HDHD2: variants seen among roughly 807,000 people sequenced by gnomAD.
The protein encoded by HDHD2 is haloacid dehalogenase like hydrolase domain containing 2.
Under a neutral mutation model 24.8 loss-of-function variants are expected in HDHD2, and 26 were observed. The ratio of observed to expected loss-of-function variants is 1.05; its 90% CI spans 0.77 to 1.45. HDHD2 has a LOEUF of 1.45. HDHD2 is among the 40% of genes most tolerant of loss of function. The pLI is 0.00. For synonymous variants in HDHD2, 128 were observed against 114.9 expected (o/e 1.11, Z -0.73); for missense variants, 299 against 313.4 (o/e 0.95, Z 0.35).
intron 4 of HDHD2, among the ~76,000 whole-genome samples, chr18:47,116,677 G>A (rs2063560275): frequency 6.6e-6 from 1 of 152,096 alleles, no homozygotes; most frequent in Admixed American, 6.6e-5. Context: ...TGGCTTTAAA[G>A]ACCTAGAGCT....
chr18:47,131,617 G>A (rs923351340), intron 3 of HDHD2, among the ~76,000 whole-genome samples: 3 of 152,184 alleles, frequency 2.0e-5, no homozygotes, highest in African/African-American at 7.2e-5. Flanking sequence ...GTTCGTAACT[G>A]TATTTCCTAT....
intron 6 of HDHD2, chr18:47,110,887 A>T (rs2063510491): frequency 1.0e-6 from 1 of 983,904 alleles, no homozygotes; most frequent in Non-Finnish European, 1.2e-6. Flanking sequence ...ATAATTGATC[A>T]AATTATATTG....
intron 4 of HDHD2, among the ~76,000 whole-genome samples, chr18:47,123,595 C>T (rs1043540139): frequency 6.6e-6 from 1 of 151,728 alleles, no homozygotes; most frequent in African/African-American, 2.4e-5. Context: ...CTCAGAAAAA[C>T]AAAAACAAAA....
At chr18:47,147,754 A>G (rs549291122) in intron 1 of HDHD2, among the ~76,000 whole-genome samples, 13 of 152,306 alleles carry the variant, frequency 8.5e-5, no homozygotes, top group African/African-American at 2.4e-4. Context: ...AATGTTACCA[A>G]AACATTTTAA....
intron 3 of HDHD2, 24 bp downstream of exon 3, chr18:47,134,472 T>A (rs751232377): frequency 1.3e-6 from 2 of 1,550,478 alleles, no homozygotes; most frequent in East Asian, 4.5e-5. Flanking sequence ...TATCCAATCT[T>A]TAAATTTTCC....
intron 6 of HDHD2, 66 bp from the exon 7 acceptor site, chr18:47,108,851 G>T: frequency 1.1e-6 from 1 of 898,034 alleles, no homozygotes; most frequent in South Asian, 1.4e-5. Flanking sequence ...CATACCCCAT[G>T]AGCACCTGGG....
intron 1 of HDHD2, among the ~76,000 whole-genome samples, chr18:47,147,990 C>CT (rs11390608): frequency 0.43 from 58,933 of 137,824 alleles, 12,486 homozygotes; most frequent in Middle Eastern, 0.51. Context: ...TTTTTTCTTT[C>CT]TTTTTTTTTT....
intron 4 of HDHD2, among the ~76,000 whole-genome samples, chr18:47,128,950 A>G (rs2144333827): frequency 6.6e-6 from 1 of 152,296 alleles, no homozygotes; most frequent in East Asian, 1.9e-4. Flanking sequence ...ATAATGTATA[A>G]GTTAGAATGG....
At chr18:47,109,789 A>T in intron 6 of HDHD2, 1 of 189,448 alleles carries the variant, frequency 5.3e-6, no homozygotes, top group Non-Finnish European at 9.8e-6. Context: ...CACAACATTT[A>T]CAACAATTTG....
intron 4 of HDHD2, among the ~76,000 whole-genome samples, chr18:47,121,390 G>A (rs908569364): frequency 1.3e-5 from 2 of 152,058 alleles, no homozygotes; most frequent in Middle Eastern, 3.2e-3. Context: ...AGTCATACTT[G>A]ATTTCTCAAT....
chr18:47,115,423 T>TA, intron 4 of HDHD2, 75 bp from the exon 5 acceptor site: 1 of 1,037,672 alleles, frequency 9.6e-7, no homozygotes, highest in Non-Finnish European at 1.4e-6. Flanking sequence ...ATGTCAGACT[T>TA]ACAAAGTGGC....
chr18:47,137,202 T>C, intron 1 of HDHD2: 2 of 667,336 alleles, frequency 3.0e-6, no homozygotes, highest in Non-Finnish European at 5.6e-6. Flanking sequence ...AGATTCCAAT[T>C]TGATGGGCAA....
At chr18:47,112,315 C>T (rs528242713) in intron 6 of HDHD2, among the ~76,000 whole-genome samples, 2 of 152,158 alleles carry the variant, frequency 1.3e-5, no homozygotes, top group South Asian at 2.1e-4. Context: ...AGAGCCTTGA[C>T]CCGAGTCTCA....
At chr18:47,125,902 A>C (rs1268583068) in intron 4 of HDHD2, among the ~76,000 whole-genome samples, 1 of 152,270 alleles carries the variant, frequency 6.6e-6, no homozygotes, top group African/African-American at 2.4e-5. Flanking sequence ...AATCAGTAAC[A>C]GAATATATTT....
At chr18:47,147,745 A>AT (rs1325256830) in intron 1 of HDHD2, among the ~76,000 whole-genome samples, 1 of 152,192 alleles carries the variant, frequency 6.6e-6, no homozygotes, top group Non-Finnish European at 1.5e-5. Context: ...CACAGGCTTA[A>AT]TGTTACCAAA....
intron 3 of HDHD2, among the ~76,000 whole-genome samples, chr18:47,133,780 T>C (rs1485895789): frequency 6.6e-6 from 1 of 152,208 alleles, no homozygotes; most frequent in African/African-American, 2.4e-5. Flanking sequence ...AATGTCTCCT[T>C]TTGAGAAGTG....
chr18:47,129,408 T>C (rs766873118), intron 4 of HDHD2, among the ~76,000 whole-genome samples: 81 of 152,054 alleles, frequency 5.3e-4, no homozygotes, highest in Non-Finnish European at 9.0e-4. Flanking sequence ...GAATATCCCA[T>C]AGACCAAACC....
chr18:47,141,979 TA>T (rs1444284585), intron 1 of HDHD2, among the ~76,000 whole-genome samples: 1 of 152,184 alleles, frequency 6.6e-6, no homozygotes, highest in Non-Finnish European at 1.5e-5. Context: ...GATGGTTTAA[TA>T]AAGAGCAGTT....
At chr18:47,145,349 T>A (rs56132373) in intron 1 of HDHD2, among the ~76,000 whole-genome samples, 1 of 152,216 alleles carries the variant, frequency 6.6e-6, no homozygotes, top group Non-Finnish European at 1.5e-5. Flanking sequence ...AAAGTAGGCG[T>A]TGCTTTACCT....
Sources: allele counts gnomAD v4.1 joint callset (sites outside exome capture counted in the v4.1 genomes callset), GRCh38; gene constraint gnomAD v4.1.1; transcripts MANE v1.5; gene names NCBI Gene and HGNC (gene_info 2026-07-23, HGNC 2026-07-21).